Variants in NPAT observed in about 807,000 individuals in gnomAD.
NPAT encodes nuclear protein, coactivator of histone transcription, also known as protein NPAT.
In NPAT, 52 loss-of-function variants were observed where a neutral mutation model predicts 130.7. That is an observed-to-expected ratio of 0.40 (90% CI 0.32 to 0.50). NPAT has a LOEUF of 0.50. Among genes scored for constraint, NPAT ranks in the 20% least tolerant of loss-of-function variants. The probability of loss-of-function intolerance (pLI) is 0.68; values close to 1 mark genes in which losing one functional copy is unlikely to be tolerated. For synonymous variants in NPAT, 580 were observed against 584.8 expected (o/e 0.99, Z 0.12); for missense variants, 1,687 against 1,662.6 (o/e 1.01, Z -0.26).
intron 1 of NPAT, among the ~76,000 whole-genome samples, chr11:108,203,490 G>A (rs1410450354): frequency 6.6e-6 from 1 of 152,100 alleles, no homozygotes; most frequent in Non-Finnish European, 1.5e-5. Context: ...TAAAGGCCTG[G>A]GAAAACTGAC....
At chr11:108,159,085 C>G in intron 17 of NPAT, 66 bp from the exon 18 acceptor site, 2 of 993,678 alleles carry the variant, frequency 2.0e-6, no homozygotes, top group South Asian at 1.3e-5. Context: ...AGTAAGTCAC[C>G]TAAAACAGTA....
intron 15 of NPAT, among the ~76,000 whole-genome samples, chr11:108,163,965 A>G (rs1380843408): frequency 6.6e-6 from 1 of 152,236 alleles, no homozygotes; most frequent in Non-Finnish European, 1.5e-5. Context: ...CCAAACAGGA[A>G]AAGTTGAAAC....
intron 1 of NPAT, among the ~76,000 whole-genome samples, chr11:108,219,999 T>C (rs761563159): frequency 1.3e-5 from 2 of 152,214 alleles, no homozygotes; most frequent in Non-Finnish European, 2.9e-5. Flanking sequence ...AGAAGTAGAA[T>C]ACATACAAGA....
intron 15 of NPAT, 113 bp downstream of exon 15, chr11:108,169,631 T>TG (rs1437761441): frequency 1.0e-5 from 8 of 792,628 alleles, no homozygotes; most frequent in African/African-American, 3.4e-5. Flanking sequence ...AAATGTAGGG[T>TG]GATCACTTGT....
chr11:108,217,203 C>G (rs1450792780), intron 1 of NPAT, among the ~76,000 whole-genome samples: 1 of 152,208 alleles, frequency 6.6e-6, no homozygotes, highest in Non-Finnish European at 1.5e-5. Flanking sequence ...GTGCTCCCTT[C>G]AACAGAATGA....
At chr11:108,207,630 G>A (rs1000321447) in intron 1 of NPAT, among the ~76,000 whole-genome samples, 1 of 152,276 alleles carries the variant, frequency 6.6e-6, no homozygotes, top group Non-Finnish European at 1.5e-5. Flanking sequence ...AGCAGGCTCA[G>A]CCTCAACTTT....
intron 1 of NPAT, among the ~76,000 whole-genome samples, chr11:108,215,457 G>A (rs1039865072): frequency 1.1e-4 from 16 of 152,042 alleles, no homozygotes; most frequent in African/African-American, 2.7e-4. Context: ...GAAATAATAC[G>A]TACAACAAAC....
chr11:108,208,740 TACATAGAACA>T (rs1294031963), intron 1 of NPAT, among the ~76,000 whole-genome samples: 3 of 152,074 alleles, frequency 2.0e-5, no homozygotes, highest in South Asian at 2.1e-4. Flanking sequence ...CTTTCAGTAA[TACATAGAACA>T]ACTAGGCAGA....
At chr11:108,215,336 G>A (rs112362651) in intron 1 of NPAT, among the ~76,000 whole-genome samples, 2,591 of 152,102 alleles carry the variant, frequency 0.017, 42 homozygotes, top group Middle Eastern at 0.065. Context: ...GAGAACACAC[G>A]GGCACATAAA....
At chr11:108,188,982 GTC>G in intron 6 of NPAT, 122 bp downstream of exon 6, 2 of 770,068 alleles carry the variant, frequency 2.6e-6, no homozygotes, top group South Asian at 3.0e-5. Context: ...TCCACTTTTA[GTC>G]TCTCTCATCT....
Position 108,176,769 on chromosome 11 carries a change from A to G in NPAT, c.1003+225T>C, listed in dbSNP as rs59820082. The stretch of plus-strand genomic sequence containing the variant: ...ACACATTCCCTGATGACTGGCAAAA[A>G]TGCCACAAAAATAAAAAACAAAACT... On this transcript the variant is annotated intron_variant, in intron 11 of 17. Coordinates refer to ENST00000278612, the MANE Select transcript of NPAT (RefSeq NM_002519.3). Among the ~76,000 whole-genome samples, 1,474 of 152,354 alleles carry G rather than the reference A, an allele frequency of 9.7e-3. 22 individuals carry two copies. The highest frequency in any genetic ancestry group is 0.034 in the African/African-American group (1,395 of 41,582).
chr11:108,193,010 G>A (rs181176673), intron 3 of NPAT, among the ~76,000 whole-genome samples: 15 of 152,124 alleles, frequency 9.9e-5, no homozygotes, highest in African/African-American at 3.4e-4. Flanking sequence ...ATGAAAGCAC[G>A]TAGCACAATG....
chr11:108,166,865 T>C (rs565392217), intron 15 of NPAT, among the ~76,000 whole-genome samples: 11 of 152,334 alleles, frequency 7.2e-5, no homozygotes, highest in South Asian at 2.1e-4. Context: ...CTTGGAATAA[T>C]TGCAATCTTT....
chr11:108,165,951 T>TA (rs1226335627), intron 15 of NPAT, among the ~76,000 whole-genome samples: 1 of 130,512 alleles, frequency 7.7e-6, no homozygotes, highest in Non-Finnish European at 1.6e-5. Flanking sequence ...GCTAATTTTT[T>TA]AAAAAAAAAT....
intron 5 of NPAT, among the ~76,000 whole-genome samples, chr11:108,190,136 C>G (rs2078152613): frequency 6.7e-6 from 1 of 150,254 alleles, no homozygotes; most frequent in African/African-American, 2.4e-5. Context: ...ATGGCAAAAC[C>G]CCATCTCTAC....
At chr11:108,176,866 T>A in intron 11 of NPAT, 128 bp downstream of exon 11, 2 of 668,760 alleles carry the variant, frequency 3.0e-6, no homozygotes, top group Non-Finnish European at 5.4e-6. Context: ...CATATCCATA[T>A]AATGTTTGAT....
rs2077858463 is a variant in NPAT at position 108,162,157 on chromosome 11, C to A, written c.3034G>T (p.Asp1012Tyr). 6.2e-7 allele frequency: 1 copy of A among 1,613,724 alleles called. No individual in the cohort carries two copies. Among genetic ancestry groups the A allele is most frequent in the South Asian group, 1.1e-5 (1 of 91,064 alleles). Residue 1012 changes from aspartate (D) to tyrosine (Y), a missense_variant, in exon 16 of 18, where the codon GAT becomes TAT. Coordinates refer to ENST00000278612, the MANE Select transcript of NPAT (RefSeq NM_002519.3). ...CIGKQVNNLVDSSGHSVGCHA... is the reference protein window; with the variant it reads ...CIGKQVNNLVYSSGHSVGCHA... ...CATCCAACTGAATGACCTGACGAAT[C>A]CACCAAATTATTTACTTGTTTTCCT... is the stretch of plus-strand genomic sequence containing the variant.
intron 1 of NPAT, among the ~76,000 whole-genome samples, chr11:108,209,895 A>C (rs1462349581): frequency 1.7e-5 from 1 of 58,468 alleles, no homozygotes; most frequent in Non-Finnish European, 4.1e-5. Flanking sequence ...TCTCAAAAAA[A>C]AAAAAAAAAA....
intron 13 of NPAT, among the ~76,000 whole-genome samples, chr11:108,170,523 G>C (rs182426131): frequency 0.012 from 1,788 of 145,280 alleles, 7 homozygotes; most frequent in Middle Eastern, 0.048. Context: ...TGATCAAAAG[G>C]GGGTAAGGTA....
Sources: allele counts gnomAD v4.1 joint callset (sites outside exome capture counted in the v4.1 genomes callset), GRCh38; gene constraint gnomAD v4.1.1; transcripts MANE v1.5; gene names NCBI Gene and HGNC (gene_info 2026-07-23, HGNC 2026-07-21).